Variants in INSR observed in about 807,000 individuals in gnomAD.
INSR encodes the protein insulin receptor, also known as IR.
A neutral mutation model predicts 142.6 loss-of-function variants in INSR; 67 were observed. That is an observed-to-expected ratio of 0.47 (90% confidence interval 0.39 to 0.58). The LOEUF (loss-of-function observed/expected upper bound fraction) is 0.58. INSR is among the 20% of genes least tolerant of loss of function. The pLI is 0.00. For synonymous variants in INSR, 756 were observed against 743.1 expected, an observed-to-expected ratio of 1.02 and a Z score of -0.28; for missense variants, 1,248 against 1,833.2, an observed-to-expected ratio of 0.68 and a Z score of 5.83.
chr19:7,131,176 G>A (rs75930593), intron 14 of INSR, among the ~76,000 whole-genome samples: 24,985 of 149,642 alleles, frequency 0.17, 2,551 homozygotes, highest in African/African-American at 0.29. Flanking sequence ...CACTGTGCCC[G>A]GCCAGGTATT....
At chr19:7,167,574 CAAA>C (rs34670852) in intron 7 of INSR, among the ~76,000 whole-genome samples, 2 of 123,470 alleles carry the variant, frequency 1.6e-5, no homozygotes, top group African/African-American at 6.0e-5. Flanking sequence ...GACTCTGTCT[CAAA>C]AAAAAAAAAA....
At position 7,163,215 on chromosome 19, in the gene INSR, G is replaced by A. The variant is rs1011140988; in HGVS notation, c.1862-16C>T. On this transcript the variant is annotated splice_polypyrimidine_tract_variant and intron_variant, in intron 8 of 21. Coordinates refer to ENST00000302850, the MANE Select transcript of INSR (RefSeq NM_000208.4). ...ACAGAGGGGTCTGTCAGGGAGAAAG[G>A]AAATGGGTCCATCATGAGAAACAGT... 6.2e-7 allele frequency: 1 copy of A among 1,608,554 alleles called. No individual in the cohort carries two copies. The highest frequency in any genetic ancestry group is 1.3e-5 in the African/African-American group (1 of 74,692).
chr19:7,186,390 C>T (rs1192088660), intron 2 of INSR, among the ~76,000 whole-genome samples: 2 of 152,112 alleles, frequency 1.3e-5, no homozygotes, highest in Non-Finnish European at 2.9e-5. Context: ...GAAATGTTCT[C>T]TATCTGGGCC....
At chr19:7,184,027 C>A (rs1185696476) in intron 3 of INSR, among the ~76,000 whole-genome samples, 2 of 141,380 alleles carry the variant, frequency 1.4e-5, no homozygotes, top group Non-Finnish European at 3.0e-5. Flanking sequence ...CCACTGCACT[C>A]CAGCTTGGGA....
chr19:7,267,340 C>T lies in INSR; in HGVS notation c.652+5G>A, dbSNP rs1052657610. 2.4e-5 allele frequency: 38 copies of T among 1,613,796 alleles called. No individual in the cohort carries two copies. Among genetic ancestry groups the T allele is most frequent in the Non-Finnish European group, 3.1e-5 (37 of 1,179,880 alleles). On this transcript the variant is annotated splice_donor_5th_base_variant and intron_variant, in intron 2 of 21. Coordinates refer to ENST00000302850, the MANE Select transcript of INSR (RefSeq NM_000208.4). This position sits in a 1 kb window ranked among gnomAD's most constrained non-coding sequence, Gnocchi z 6.3. ...ACTGCTTAGAACCCTGTATCCCCGG[C>T]GTACCTTTCTGGCAGTGACTATGAG...
At chr19:7,183,122 C>T (rs1974317679) in intron 3 of INSR, among the ~76,000 whole-genome samples, 1 of 152,032 alleles carries the variant, frequency 6.6e-6, no homozygotes, top group East Asian at 1.9e-4. Context: ...GCCCTCTCCA[C>T]CCAGGGAAAT....
At chr19:7,184,110 C>T (rs558192262) in intron 3 of INSR, among the ~76,000 whole-genome samples, 23 of 150,508 alleles carry the variant, frequency 1.5e-4, no homozygotes, top group African/African-American at 5.4e-4. Context: ...TATATACTAT[C>T]TGGTCCTTTA....
chr19:7,271,649 A>T (rs535853038), intron 1 of INSR, among the ~76,000 whole-genome samples: 2 of 152,286 alleles, frequency 1.3e-5, no homozygotes, highest in Admixed American at 1.3e-4. Context: ...CTAGGTAACT[A>T]CCTAAGAGAA....
chr19:7,278,666 C>T (rs1246246913), intron 1 of INSR, among the ~76,000 whole-genome samples: 1 of 152,174 alleles, frequency 6.6e-6, no homozygotes, highest in Non-Finnish European at 1.5e-5. Context: ...TGAGACCAGC[C>T]TGGCCAACAT....
In INSR at chr19:7,142,953, A is replaced by G; in HGVS notation, c.2405T>C (p.Val802Ala). Residue 802 changes from valine (V) to alanine (A), a missense_variant, in exon 12 of 22, where the codon GTG becomes GCG. By Grantham distance (64) the Val-to-Ala change is moderately conservative (BLOSUM62 0). This residue lies in a region of INSR where 1,069 missense variants were observed against 1,654.0 expected (regional missense o/e 0.65). Coordinates refer to ENST00000302850, the MANE Select transcript of INSR (RefSeq NM_000208.4). ...PEEHRPFEKV[V>A]NKESLVISGL... ...GGAGATGACCAGCGACTCCTTGTTC[A>G]CCACCTTCTCAAAAGGCCTGTGCTC... The G allele has an allele frequency of 6.2e-7, 1 of 1,614,110 alleles. No homozygotes were observed. Among genetic ancestry groups the G allele is most frequent in the Non-Finnish European group, 8.5e-7 (1 of 1,180,002 alleles).
chr19:7,223,997 G>A (rs972391757), intron 2 of INSR, among the ~76,000 whole-genome samples: 8 of 151,746 alleles, frequency 5.3e-5, no homozygotes, highest in African/African-American at 9.7e-5. Context: ...CCAGGCTGGA[G>A]TGCAGTGGCA....
intron 1 of INSR, among the ~76,000 whole-genome samples, chr19:7,285,272 A>G (rs4804113): frequency 0.88 from 133,434 of 151,850 alleles, 59,586 homozygotes; most frequent in Non-Finnish European, 0.97. Flanking sequence ...CCAACATGGT[A>G]AAACCCCATC....
intron 2 of INSR, among the ~76,000 whole-genome samples, chr19:7,191,543 G>T (rs186915367): frequency 2.8e-4 from 42 of 152,250 alleles, no homozygotes; most frequent in Non-Finnish European, 1.2e-4. Flanking sequence ...TCACAAGCCT[G>T]CCAGGCGCAG....
chr19:7,118,641 T>A lies in INSR; in HGVS notation c.3794+808A>T, dbSNP rs570859245. Among the ~76,000 whole-genome samples the A allele has an allele frequency of 3.9e-4, 58 of 149,978 alleles. 1 individual carries two copies. Among genetic ancestry groups the A allele is most frequent in the Non-Finnish European group, 7.1e-4 (48 of 67,652 alleles). ...GCTACCTGACAAAATTTTAAGTGTA[T>A]AAAGAATTAACAGGCGGCTGTAATC... On this transcript the variant is annotated intron_variant, in intron 21 of 21. Coordinates refer to ENST00000302850, the MANE Select transcript of INSR (RefSeq NM_000208.4).
chr19:7,132,451 C>A, intron 13 of INSR, 134 bp from the exon 14 acceptor site: 2 of 925,440 alleles, frequency 2.2e-6, no homozygotes, highest in Non-Finnish European at 1.7e-6. Context: ...GACTAAGACA[C>A]ATAAGCGACT....
chr19:7,151,257 CCTTT>C (rs1419480832), intron 10 of INSR, among the ~76,000 whole-genome samples: 3 of 144,270 alleles, frequency 2.1e-5, no homozygotes, highest in Non-Finnish European at 4.6e-5. Context: ...TCCCTCCATT[CCTTT>C]CTTTCTTTCT....
chr19:7,249,132 T>C (rs116888809), intron 2 of INSR, among the ~76,000 whole-genome samples: 3 of 152,212 alleles, frequency 2.0e-5, no homozygotes, highest in Admixed American at 6.5e-5. Context: ...CTGAACTACA[T>C]TGACAAATTT....
At chr19:7,154,879 G>C (rs531074424) in intron 9 of INSR, among the ~76,000 whole-genome samples, 1 of 152,038 alleles carries the variant, frequency 6.6e-6, no homozygotes, top group South Asian at 2.1e-4. Context: ...AGCCGAGATT[G>C]AGCCATTGCA....
chr19:7,119,398 A>G lies in INSR; in HGVS notation c.3794+51T>C, dbSNP rs1972420982. The G allele has an allele frequency of 6.2e-7, 1 of 1,610,850 alleles. No individual in the cohort carries two copies. Among genetic ancestry groups the G allele is most frequent in the African/African-American group, 1.3e-5 (1 of 74,988 alleles). ...AAAACCAAGCACACGTGTAAAGGGCAATACCCTTTCAACGAACACCTCACA... is the reference window on the plus strand; with the variant it reads ...AAAACCAAGCACACGTGTAAAGGGCGATACCCTTTCAACGAACACCTCACA... On this transcript the variant is annotated intron_variant, in intron 21 of 21. Coordinates refer to ENST00000302850, the MANE Select transcript of INSR (RefSeq NM_000208.4). The surrounding 1 kb of genome is among the most constrained non-coding windows in gnomAD (Gnocchi z 5.2).
Sources: allele counts gnomAD v4.1 joint callset (sites outside exome capture counted in the v4.1 genomes callset), GRCh38; gene constraint gnomAD v4.1.1; regional missense constraint gnomAD v4.1.1; non-coding constraint Gnocchi (gnomAD v3.1); transcripts MANE v1.5; gene names NCBI Gene and HGNC (gene_info 2026-07-23, HGNC 2026-07-21).